Variants in TRAPPC11 observed in about 807,000 individuals in gnomAD.
TRAPPC11 encodes trafficking protein particle complex subunit 11.
TRAPPC11 carries 104 observed loss-of-function variants against 151.2 expected under a neutral mutation model. That is an observed-to-expected ratio of 0.69 (90% CI 0.59 to 0.81). The LOEUF (loss-of-function observed/expected upper bound fraction) is 0.81, where lower values mean the gene tolerates loss of function less well. Ranked by LOEUF, TRAPPC11 falls within the 30% of genes least tolerant of loss-of-function variation. The pLI is 0.00. For synonymous variants in TRAPPC11, 456 were observed against 472.3 expected (o/e 0.97, Z 0.45); for missense variants, 1,230 against 1,349.6 (o/e 0.91, Z 1.39).
At chr4:183,697,626 A>G in intron 24 of TRAPPC11, 53 bp from the exon 25 acceptor site, 1 of 1,608,284 alleles carries the variant, frequency 6.2e-7, no homozygotes, top group Non-Finnish European at 8.5e-7. Flanking sequence ...GACTGAAATG[A>G]TAAAATGGAT....
At chr4:183,662,451 GT>G (rs958265162) in intron 1 of TRAPPC11, among the ~76,000 whole-genome samples, 3 of 151,360 alleles carry the variant, frequency 2.0e-5, no homozygotes, top group Non-Finnish European at 2.9e-5. Flanking sequence ...GATAAACATA[GT>G]TTTATATACT....
At chr4:183,694,857 C>T in intron 23 of TRAPPC11, 134 bp downstream of exon 23, 2 of 885,812 alleles carry the variant, frequency 2.3e-6, no homozygotes, top group South Asian at 2.0e-5. Flanking sequence ...TTTAATTAAA[C>T]TTTTTAAAAA....
At chr4:183,695,011 C>T (rs916282171) in intron 23 of TRAPPC11, among the ~76,000 whole-genome samples, 8 of 147,798 alleles carry the variant, frequency 5.4e-5, no homozygotes, top group African/African-American at 1.8e-4. Flanking sequence ...TGCAGTGGCA[C>T]GATCTTGGCT....
At chr4:183,685,039 T>G (rs1334863239) in intron 15 of TRAPPC11, 45 bp from the exon 16 acceptor site, 2 of 1,567,866 alleles carry the variant, frequency 1.3e-6, no homozygotes, top group South Asian at 2.3e-5. Context: ...GTAGTAGACT[T>G]AATTATAAGT....
chr4:183,666,271 G>C lies in TRAPPC11; in HGVS notation c.219G>C (p.Glu73Asp), dbSNP rs138760818. ...AATGTTTGCAGAGAACTTCATATGA[G>C]TGGTACATTCCTAAAGGGATCTTAA... ...PKCRPKRTSYEWYIPKGILKT... is the reference protein window; with the variant it reads ...PKCRPKRTSYDWYIPKGILKT... The change falls in exon 3 of 30, where the codon GAG becomes GAC. Residue 73 changes from glutamate to aspartate, a missense_variant. Physicochemically the swap from Glu to Asp is conservative, Grantham distance 45. Coordinates refer to ENST00000334690, the MANE Select transcript of TRAPPC11 (RefSeq NM_021942.6). 2.0e-3 allele frequency: 3,208 copies of C among 1,613,004 alleles called. 63 individuals carry two copies. In the South Asian group the frequency reaches 0.024, roughly 12 times the overall value.
intron 22 of TRAPPC11, 39 bp downstream of exon 22, chr4:183,694,077 AG>A: frequency 1.2e-6 from 2 of 1,603,640 alleles, no homozygotes; most frequent in Non-Finnish European, 1.7e-6. Flanking sequence ...GAAATCAATT[AG>A]TTTGTAGTTT....
At chr4:183,700,172 C>T (rs7440957) in intron 25 of TRAPPC11, among the ~76,000 whole-genome samples, 42,405 of 151,994 alleles carry the variant, frequency 0.28, 6,610 homozygotes, top group African/African-American at 0.43. Flanking sequence ...TTAAGGAGAA[C>T]TTTGGTAGAG....
At chr4:183,705,176 C>T (rs563022972) in intron 27 of TRAPPC11, 106 bp downstream of exon 27, 1 of 800,364 alleles carries the variant, frequency 1.2e-6, no homozygotes, top group South Asian at 2.3e-5. Flanking sequence ...AGTTTTTCAG[C>T]ATTTGTAAAA....
intron 5 of TRAPPC11, among the ~76,000 whole-genome samples, chr4:183,669,332 C>T (rs1735033254): frequency 6.6e-6 from 1 of 152,150 alleles, no homozygotes; most frequent in African/African-American, 2.4e-5. Context: ...TGGTAGCACA[C>T]TCAGGCAGCT....
chr4:183,678,601 G>C (rs1735528427), intron 8 of TRAPPC11, among the ~76,000 whole-genome samples: 1 of 152,290 alleles, frequency 6.6e-6, no homozygotes, highest in South Asian at 2.1e-4. Context: ...TATTTAGTGT[G>C]ATGTTGTTAT....
Position 183,705,218 on chromosome 4 carries a change from C to T in TRAPPC11, c.3055+148C>T, listed in dbSNP as rs1736996671. 5 of 518,404 alleles carry T rather than the reference C, an allele frequency of 9.6e-6. No homozygotes were observed. The East Asian group carries it at 1.2e-4, about 12-fold the overall frequency. The allele number at this position is 518,404 out of a possible 1,614,324, so 32.1% of individuals were successfully genotyped here. ...TATGGCCAGTCTTGCTTCCTCTCTA[C>T]TTCTACACACTCCTCCTACCCCTGT... On this transcript the variant is annotated intron_variant, in intron 27 of 29. Transcript: ENST00000334690.
At chr4:183,666,187 G>T (rs191935509) in intron 2 of TRAPPC11, 70 bp from the exon 3 acceptor site, 1 of 1,454,616 alleles carries the variant, frequency 6.9e-7, no homozygotes, top group South Asian at 1.3e-5. Flanking sequence ...CACATAAAGT[G>T]CTTGGCACTC....
rs923476508 is a variant in TRAPPC11, at chr4:183,706,396, A to G, written c.3056-411A>G. Among the ~76,000 whole-genome samples the G allele has an allele frequency of 1.3e-4, 20 of 152,014 alleles. No individual in the cohort carries two copies. In the East Asian group the frequency reaches 1.5e-3, roughly 12 times the overall value. ...AAATTAGCCAGACATGGTGGCGGGC[A>G]CCTGTAGTCCCAGCTACTTGGGAGG... On this transcript the variant is annotated intron_variant, in intron 27 of 29. Coordinates refer to ENST00000334690, the MANE Select transcript of TRAPPC11 (RefSeq NM_021942.6).
intron 1 of TRAPPC11, among the ~76,000 whole-genome samples, 173 bp downstream of exon 1, chr4:183,659,620 G>A (rs1294692119): frequency 1.3e-5 from 2 of 152,236 alleles, no homozygotes; most frequent in Non-Finnish European, 2.9e-5. Flanking sequence ...GGCCTCCCAG[G>A]TTTAAGACGG....
rs1009615576 is a variant in TRAPPC11 at position 183,692,387 on chromosome 4, T to C, written c.2050-573T>C. On this transcript the variant is annotated intron_variant, in intron 19 of 29. Transcript: ENST00000334690. The stretch of plus-strand genomic sequence containing the variant: ...TTATTCATTAAAAAAAAAAAAACTT[T>C]CATGATTTTGACTAAATGCCCTAAT... Among the ~76,000 whole-genome samples the C allele has an allele frequency of 4.6e-5, 7 of 152,078 alleles. No homozygotes were observed. The East Asian group carries it at 1.2e-3, about 25-fold the overall frequency.
intron 7 of TRAPPC11, among the ~76,000 whole-genome samples, chr4:183,676,654 C>G (rs1045102585): frequency 3.9e-5 from 6 of 152,246 alleles, no homozygotes; most frequent in Non-Finnish European, 7.3e-5. Context: ...CCATGCTTCT[C>G]CTTCAGCGTG....
chr4:183,694,533 T>G, intron 22 of TRAPPC11, 71 bp from the exon 23 acceptor site: 1 of 1,461,158 alleles, frequency 6.8e-7, no homozygotes, highest in South Asian at 1.2e-5. Flanking sequence ...GGTGGGAACA[T>G]TATCCTAGAA....
intron 25 of TRAPPC11, among the ~76,000 whole-genome samples, chr4:183,699,335 CTCTTCCT>C (rs1736691059): frequency 6.6e-6 from 1 of 152,178 alleles, no homozygotes; most frequent in African/African-American, 2.4e-5. Flanking sequence ...GGACTAAGTA[CTCTTCCT>C]TCTTTATTCC....
At position 183,666,421 on chromosome 4, in the gene TRAPPC11, AG is replaced by A; in HGVS notation, c.370del (p.Val124SerfsTer16). On this transcript the variant is annotated frameshift_variant, in exon 3 of 30. Transcript: ENST00000334690. LOFTEE classifies it high-confidence loss of function. Reference protein sequence around the residue: ...QSECATRVEIVRQSLQGRNTK... With the variant: ...QSECATRVEIXRQSLQGRNTK... The stretch of plus-strand genomic sequence containing the variant: ...CTGAGTGCGCCACCAGAGTGGAAAT[AG>A]TCAGGTATGATCTTCTGTGTCAGGG... 6.2e-7 allele frequency: 1 copy of A among 1,613,396 alleles called. No individual in the cohort carries two copies. The highest frequency in any genetic ancestry group is 8.5e-7 in the Non-Finnish European group (1 of 1,179,532).
Sources: allele counts gnomAD v4.1 joint callset (sites outside exome capture counted in the v4.1 genomes callset), GRCh38; gene constraint gnomAD v4.1.1; transcripts MANE v1.5; gene names NCBI Gene and HGNC (gene_info 2026-07-23, HGNC 2026-07-21).